Variants in TRPM8 observed in about 807,000 individuals in gnomAD.
TRPM8 encodes the protein transient receptor potential cation channel subfamily M member 8, also known as TRPM8 cationic channel.
A neutral mutation model predicts 133.7 loss-of-function variants in TRPM8; 110 were observed. The observed-to-expected ratio is 0.82, with a 90% confidence interval of 0.70 to 0.96. The LOEUF (loss-of-function observed/expected upper bound fraction) is 0.96, where lower values mean the gene tolerates loss of function less well. Among genes scored for constraint, TRPM8 ranks in the 40% least tolerant of loss-of-function variants. TRPM8 has a pLI of 0.00. For missense variants in TRPM8, 1,291 were observed against 1,379.5 expected, an observed-to-expected ratio of 0.94 and a Z score of 1.02; for synonymous variants, 535 against 532.3, an observed-to-expected ratio of 1.01 and a Z score of -0.07.
At position 234,018,737 on chromosome 2, in the gene TRPM8, C is replaced by T. The variant is rs1243759710; in HGVS notation, c.*1481C>T. ...GTGCACTCCTGTAATCCCAGCTACT[C>T]AGAAGGCTGAGGTACAAGAATTGCT... On this transcript the variant is annotated 3_prime_UTR_variant, in exon 26 of 26. Transcript: ENST00000324695. 1 of 151,840 alleles carries T rather than the reference C, an allele frequency of 6.6e-6. No homozygotes were observed. The highest frequency in any genetic ancestry group is 2.4e-5 in the African/African-American group (1 of 41,318). The allele number at this position is 151,840 out of a possible 1,614,324, so 9.4% of individuals were successfully genotyped here. A position where few individuals can be genotyped will look rare whatever the true frequency, so the allele number is the denominator to read the frequency against.
chr2:233,976,095 T>A (rs1691866088), intron 17 of TRPM8, among the ~76,000 whole-genome samples: 1 of 152,170 alleles, frequency 6.6e-6, no homozygotes, highest in African/African-American at 2.4e-5. Flanking sequence ...CCCTACTTTG[T>A]GCCAGGCACT....
intron 4 of TRPM8, 139 bp downstream of exon 4, chr2:233,937,648 T>C: frequency 2.8e-6 from 3 of 1,057,192 alleles, no homozygotes; most frequent in Admixed American, 4.8e-5. Flanking sequence ...CAGAAAAAGA[T>C]ACATCTTGTA....
rs577502080 is a variant in TRPM8 at position 234,009,774 on chromosome 2, C to T, written c.3264+1671C>T. ...GAATTTTAGGGATAATCTTTTGTTT[C>T]TCAAGAAAGCTTCTGGAGTCTTTTA... On this transcript the variant is annotated intron_variant, in intron 24 of 25. Coordinates refer to ENST00000324695, the MANE Select transcript of TRPM8 (RefSeq NM_024080.5). Among the ~76,000 whole-genome samples the T allele has an allele frequency of 1.2e-3, 178 of 152,186 alleles. 1 individual carries two copies. The highest frequency in any genetic ancestry group is 1.9e-3 in the Non-Finnish European group (126 of 68,014).
chr2:234,013,315 GTTGT>G (rs748014953), intron 24 of TRPM8: 1 of 152,050 alleles, frequency 6.6e-6, no homozygotes, highest in Non-Finnish European at 1.5e-5. Context: ...TTCTTCATTT[GTTGT>G]TTGTCTGTTC....
chr2:233,990,407 T>G (rs565177194), intron 21 of TRPM8, among the ~76,000 whole-genome samples: 2 of 152,304 alleles, frequency 1.3e-5, no homozygotes, highest in East Asian at 3.9e-4. Flanking sequence ...TGTCTAATAC[T>G]GGGGGATCTC....
intron 1 of TRPM8, among the ~76,000 whole-genome samples, chr2:233,925,072 C>T (rs1207462066): frequency 6.6e-6 from 1 of 152,136 alleles, no homozygotes; most frequent in Non-Finnish European, 1.5e-5. Flanking sequence ...GCCCCCTGGG[C>T]TGAGGGTCTG....
chr2:233,992,900 C>T (rs1692315475), intron 21 of TRPM8, among the ~76,000 whole-genome samples: 1 of 152,122 alleles, frequency 6.6e-6, no homozygotes, highest in Non-Finnish European at 1.5e-5. Flanking sequence ...AGTTCAGTCT[C>T]CCCTTTACAG....
intron 21 of TRPM8, 110 bp from the exon 22 acceptor site, chr2:233,996,216 T>C (rs575504378): frequency 1.0e-6 from 1 of 967,072 alleles, no homozygotes; most frequent in Admixed American, 2.4e-5. Flanking sequence ...CTCTCCTGTC[T>C]GTACTTAAGC....
At chr2:233,934,546 A>G (rs10189040) in intron 3 of TRPM8, among the ~76,000 whole-genome samples, 63,166 of 152,126 alleles carry the variant, frequency 0.42, 18,536 homozygotes, top group African/African-American at 0.81. Context: ...ACGTCAATGC[A>G]CCATCTCTAG....
At chr2:233,975,738 CGGGCAT>C (rs1161061726) in intron 17 of TRPM8, among the ~76,000 whole-genome samples, 1 of 152,052 alleles carries the variant, frequency 6.6e-6, no homozygotes, top group Non-Finnish European at 1.5e-5. Context: ...AAAAATTAGC[CGGGCAT>C]GGTGGCGCGT....
intron 17 of TRPM8, among the ~76,000 whole-genome samples, chr2:233,979,838 T>C (rs1041202245): frequency 6.6e-6 from 1 of 152,228 alleles, no homozygotes; most frequent in African/African-American, 2.4e-5. Flanking sequence ...GACTGTGTAG[T>C]GCACAGCCTG....
chr2:233,953,742 A>C, intron 9 of TRPM8, 175 bp from the exon 10 acceptor site: 1 of 546,746 alleles, frequency 1.8e-6, no homozygotes, highest in South Asian at 2.2e-5. Flanking sequence ...TACGTGTATA[A>C]CCAATACTTT....
At chr2:233,942,852 C>G in intron 6 of TRPM8, 104 bp downstream of exon 6, 2 of 1,395,688 alleles carry the variant, frequency 1.4e-6, no homozygotes, top group Non-Finnish European at 2.0e-6. Context: ...CCAGCCAGAT[C>G]ATGGGGAAGT....
chr2:233,993,298 G>C (rs1425471725), intron 21 of TRPM8, among the ~76,000 whole-genome samples: 1 of 152,200 alleles, frequency 6.6e-6, no homozygotes, highest in Non-Finnish European at 1.5e-5. Context: ...CCAGCAGGAG[G>C]GGCCGTGCAG....
intron 24 of TRPM8, among the ~76,000 whole-genome samples, chr2:234,008,616 A>C (rs1692756082): frequency 6.6e-6 from 1 of 152,216 alleles, no homozygotes; most frequent in South Asian, 2.1e-4. Flanking sequence ...CGATTCGTAT[A>C]TGCTAGATCC....
intron 11 of TRPM8, among the ~76,000 whole-genome samples, chr2:233,957,903 G>A (rs1339429623): frequency 1.3e-5 from 2 of 152,220 alleles, no homozygotes; most frequent in African/African-American, 4.8e-5. Context: ...TCCGAAAATG[G>A]AGATGACGAT....
At chr2:233,993,559 G>A (rs1428973419) in intron 21 of TRPM8, among the ~76,000 whole-genome samples, 1 of 152,156 alleles carries the variant, frequency 6.6e-6, no homozygotes, top group Non-Finnish European at 1.5e-5. Flanking sequence ...TTAGCTCATG[G>A]ACTGTACAAA....
At chr2:233,935,863 T>G (rs1384810441) in intron 3 of TRPM8, among the ~76,000 whole-genome samples, 2 of 151,900 alleles carry the variant, frequency 1.3e-5, no homozygotes, top group African/African-American at 4.8e-5. Context: ...TCTTGGTGGT[T>G]GTTGTTCCTG....
intron 14 of TRPM8, 96 bp from the exon 15 acceptor site, chr2:233,966,514 T>C (rs1451252472): frequency 7.3e-6 from 11 of 1,500,730 alleles, no homozygotes; most frequent in Non-Finnish European, 1.0e-5. Context: ...GCACAGGCTA[T>C]TTTTGGATTC....
Sources: allele counts gnomAD v4.1 joint callset (sites outside exome capture counted in the v4.1 genomes callset), GRCh38; gene constraint gnomAD v4.1.1; transcripts MANE v1.5; gene names NCBI Gene and HGNC (gene_info 2026-07-23, HGNC 2026-07-21).